Variants in ACSF3 observed in about 807,000 individuals in gnomAD.
ACSF3 encodes malonate--CoA ligase ACSF3, mitochondrial.
A neutral mutation model predicts 53.2 loss-of-function variants in ACSF3; 78 were observed. The observed-to-expected ratio is 1.47, with a 90% CI of 1.22 to 1.77. The LOEUF (loss-of-function observed/expected upper bound fraction) is 1.77, where lower values mean the gene tolerates loss of function less well. Among genes scored for constraint, ACSF3 ranks in the 40% most tolerant of loss-of-function variants. The probability of loss-of-function intolerance (pLI) is 0.00; values close to 1 mark genes in which losing one functional copy is unlikely to be tolerated. For synonymous variants in ACSF3, 414 were observed against 333.1 expected (o/e 1.24, Z -2.65); for missense variants, 937 against 771.1 (o/e 1.22, Z -2.55).
chr16:89,129,109 C>G (rs970293929), intron 7 of ACSF3, among the ~76,000 whole-genome samples: 2 of 152,166 alleles, frequency 1.3e-5, no homozygotes, highest in Non-Finnish European at 1.5e-5. Context: ...TCCAGCCTGA[C>G]AGAGCAAGAG....
chr16:89,135,761 C>T (rs1282745723), intron 8 of ACSF3, among the ~76,000 whole-genome samples: 1 of 152,200 alleles, frequency 6.6e-6, no homozygotes, highest in Non-Finnish European at 1.5e-5. Context: ...ACTCACGCTG[C>T]AGTTGTTTTA....
intron 8 of ACSF3, among the ~76,000 whole-genome samples, chr16:89,138,448 G>C (rs752724342): frequency 6.6e-6 from 1 of 152,242 alleles, no homozygotes; most frequent in Non-Finnish European, 1.5e-5. Flanking sequence ...CCCAACCAAG[G>C]CTCGTCTGGC....
chr16:89,151,076 C>T (rs1363911275), intron 10 of ACSF3: 10 of 1,285,320 alleles, frequency 7.8e-6, no homozygotes, highest in Non-Finnish European at 1.0e-5. Flanking sequence ...TTCTAAATAT[C>T]GGAAGGAAAC....
At chr16:89,136,941 A>C (rs1206141047) in intron 8 of ACSF3, 1 of 1,108,410 alleles carries the variant, frequency 9.0e-7, no homozygotes, top group South Asian at 1.5e-5. Flanking sequence ...GTCTCAGGTA[A>C]CTCCTCTGAC....
At chr16:89,117,859 C>T (rs1008293221) in intron 6 of ACSF3, among the ~76,000 whole-genome samples, 4 of 146,604 alleles carry the variant, frequency 2.7e-5, no homozygotes, top group African/African-American at 7.5e-5. Flanking sequence ...GGGCAAGAAA[C>T]CTGAGTGCAC....
In ACSF3 at chr16:89,101,018, TGGGCGTCATGGATGAGTGGC is replaced by T. The variant is rs1272235139; in HGVS notation, c.340_359del (p.Ala114CysfsTer149). The T allele has an allele frequency of 2.5e-6, 4 of 1,613,832 alleles. No homozygotes were observed. The highest frequency in any genetic ancestry group is 3.4e-6 in the Non-Finnish European group (4 of 1,179,836). On this transcript the variant is annotated frameshift_variant, in exon 3 of 11. Transcript: ENST00000614302. LOFTEE classifies it high-confidence loss of function. ...CGATGCCTCCTACGTCGTGGCCCAG[TGGGCGTCATGGATGAGTGGC>T]GGTGTGGCAGTCCCCCTCTACAGGA...
Position 89,137,321 on chromosome 16 carries a change from T to C in ACSF3, c.1366+4059T>C, listed in dbSNP as rs1432743620. 2.2e-3 allele frequency among the ~76,000 whole-genome samples: 250 copies of C among 112,908 alleles called. 1 individual carries two copies. Among genetic ancestry groups the C allele is most frequent in the African/African-American group, 7.8e-3 (200 of 25,566 alleles). The allele number at this position is 112,908 out of a possible 152,430, so 74.1% of individuals were successfully genotyped here. ...ACCACCAGGAGCTCACGGGGAAGGATTGAGGGGAAGAGCCCCGGGTCTCGG... is the reference window on the plus strand; with the variant it reads ...ACCACCAGGAGCTCACGGGGAAGGACTGAGGGGAAGAGCCCCGGGTCTCGG... On this transcript the variant is annotated intron_variant, in intron 8 of 10. Transcript: ENST00000614302.
chr16:89,106,130 G>T (rs1975951845), intron 4 of ACSF3, among the ~76,000 whole-genome samples: 1 of 152,172 alleles, frequency 6.6e-6, no homozygotes, highest in African/African-American at 2.4e-5. Context: ...TGTCTACCCT[G>T]GGGTCTCTGC....
rs57029368 is a variant in ACSF3 at position 89,139,313 on chromosome 16, G to A, written c.1367-5954G>A. Among the ~76,000 whole-genome samples, 1,258 of 152,104 alleles carry A rather than the reference G, an allele frequency of 8.3e-3. 21 individuals carry two copies. Among genetic ancestry groups the A allele is most frequent in the African/African-American group, 0.029 (1,201 of 41,484 alleles). On this transcript the variant is annotated intron_variant, in intron 8 of 10. Transcript: ENST00000614302. ...TTCCCTCCTACCGGGTCAGGACGTC[G>A]GCTCCCAGCCCACAGCATCCTCGTC...
intron 10 of ACSF3, 123 bp downstream of exon 10, chr16:89,146,172 C>G: frequency 1.4e-6 from 1 of 709,674 alleles, no homozygotes; most frequent in Non-Finnish European, 2.4e-6. Context: ...GAAAGACCAG[C>G]AGTGAGGGTC....
intron 8 of ACSF3, among the ~76,000 whole-genome samples, chr16:89,138,130 A>C (rs921946318): frequency 7.2e-5 from 11 of 152,166 alleles, no homozygotes; most frequent in Non-Finnish European, 4.4e-5. Context: ...CCCGGCAGGC[A>C]CTGTGGAGGC....
intron 8 of ACSF3, among the ~76,000 whole-genome samples, chr16:89,139,595 T>A (rs937748473): frequency 2.1e-5 from 3 of 145,940 alleles, no homozygotes; most frequent in Non-Finnish European, 4.6e-5. Flanking sequence ...TTTTCTGTTT[T>A]TTTTTTTTTT....
chr16:89,104,739 G>T (rs571510922), intron 4 of ACSF3, among the ~76,000 whole-genome samples: 1 of 152,166 alleles, frequency 6.6e-6, no homozygotes, highest in Admixed American at 6.6e-5. Flanking sequence ...TCTCATCCCC[G>T]GAAAATAAGG....
intron 2 of ACSF3, among the ~76,000 whole-genome samples, chr16:89,098,992 G>A (rs776044401): frequency 2.0e-5 from 3 of 152,264 alleles, no homozygotes; most frequent in African/African-American, 7.2e-5. Context: ...CTGTCAGACC[G>A]AGGGCCGCTG....
chr16:89,119,841 C>T (rs551545773), intron 6 of ACSF3, among the ~76,000 whole-genome samples: 3 of 152,340 alleles, frequency 2.0e-5, no homozygotes, highest in South Asian at 2.1e-4. Flanking sequence ...CCGGGACGCC[C>T]CATGGATTGC....
rs1292938755 is a variant in ACSF3, at chr16:89,154,804, C to T, written c.*597C>T. 2.2e-6 allele frequency: 1 copy of T among 454,126 alleles called. No individual in the cohort carries two copies. The highest frequency in any genetic ancestry group is 4.4e-6 in the Non-Finnish European group (1 of 226,794). The allele number at this position is 454,126 out of a possible 1,614,324, so 28.1% of individuals were successfully genotyped here. On this transcript the variant is annotated 3_prime_UTR_variant, in exon 11 of 11. Coordinates refer to ENST00000614302, the MANE Select transcript of ACSF3 (RefSeq NM_001243279.3). ...CTCCCACTGTGGGGACACCTGCCAC[C>T]CTGCACACTACTGTGTGTCCATCAG...
At chr16:89,101,483 A>G (rs980581456) in intron 3 of ACSF3, 136 bp downstream of exon 3, 2 of 1,511,850 alleles carry the variant, frequency 1.3e-6, no homozygotes, top group Non-Finnish European at 8.9e-7. Context: ...GACCCGTGTG[A>G]GATACAGGGA....
At position 89,102,831 on chromosome 16, in the gene ACSF3, C is replaced by T. The variant is rs767066691; in HGVS notation, c.822+72C>T. 5.4e-4 allele frequency: 847 copies of T among 1,582,508 alleles called. 1 individual carries two copies. The highest frequency in any genetic ancestry group is 6.6e-4 in the Non-Finnish European group (770 of 1,165,394). On this transcript the variant is annotated intron_variant, in intron 4 of 10. Transcript: ENST00000614302. ...TTTCCCCTGTCGGGGCCAGGGCTCT[C>T]AGCCGCGCCCTCAGCCTAAGCGCCT...
In ACSF3 at chr16:89,145,247, C is replaced by G. The variant is rs201403277; in HGVS notation, c.1367-20C>G. On this transcript the variant is annotated intron_variant, in intron 8 of 10. Transcript: ENST00000614302. ...GTGGTGTTTAAGGATGGCCAGTTAA[C>G]CAGAGCCCCTTTTCCTCAGGGGACA... 3.1e-6 allele frequency: 5 copies of G among 1,613,740 alleles called. No individual in the cohort carries two copies. Among genetic ancestry groups the G allele is most frequent in the African/African-American group, 2.7e-5 (2 of 74,840 alleles).
Sources: allele counts gnomAD v4.1 joint callset (sites outside exome capture counted in the v4.1 genomes callset), GRCh38; gene constraint gnomAD v4.1.1; transcripts MANE v1.5; gene names NCBI Gene and HGNC (gene_info 2026-07-23, HGNC 2026-07-21).